Variants in DSN1 observed in about 807,000 individuals in gnomAD.
The protein encoded by DSN1 is kinetochore-associated protein DSN1 homolog.
DSN1 carries 31 observed loss-of-function variants against 45.7 expected under a neutral mutation model. That is an observed-to-expected ratio of 0.68 (90% CI 0.51 to 0.92). The LOEUF is 0.92. DSN1 is among the 40% of genes least tolerant of loss of function. The pLI is 0.00. For missense variants in DSN1, 394 were observed against 414.2 expected, an observed-to-expected ratio of 0.95 and a Z score of 0.42; for synonymous variants, 134 against 142.3, an observed-to-expected ratio of 0.94 and a Z score of 0.41.
At chr20:36,769,902 T>TACACACACAC (rs66970744) in intron 3 of DSN1, among the ~76,000 whole-genome samples, 156 of 117,314 alleles carry the variant, frequency 1.3e-3, no homozygotes, top group African/African-American at 5.3e-3. Context: ...TCACTGTAGA[T>TACACACACAC]ACACACACAC....
At chr20:36,767,003 A>G (rs547715069) in intron 4 of DSN1, among the ~76,000 whole-genome samples, 162 bp from the exon 5 acceptor site, 5 of 146,022 alleles carry the variant, frequency 3.4e-5, no homozygotes, top group African/African-American at 1.2e-4. Context: ...TAGATAAGGG[A>G]AAAAAAAAAA....
At chr20:36,754,232 G>A (rs1221702889) in intron 10 of DSN1, among the ~76,000 whole-genome samples, 1 of 152,112 alleles carries the variant, frequency 6.6e-6, no homozygotes, top group Non-Finnish European at 1.5e-5. Flanking sequence ...TACTCTGGGA[G>A]CCTGAGGTGA....
rs761761654 is a variant in DSN1 at position 36,758,147 on chromosome 20, C to T, written c.665G>A (p.Arg222His). The change falls in exon 8 of 11, where the codon CGT becomes CAT. Residue 222 changes from arginine (R) to histidine (H), a missense_variant. Arg to His is a conservative substitution (Grantham distance 29). Coordinates refer to ENST00000373750, the MANE Select transcript of DSN1 (RefSeq NM_001145315.2). ...KEYITKFSLERQTWDQLLLHY... is the reference protein window; with the variant it reads ...KEYITKFSLEHQTWDQLLLHY... Reference sequence around the variant, plus strand: ...AAGCAAGAGCTGATCCCAAGTCTGACGTTCTAAAGAAAACCTGTAAGAATC... The same window carrying T: ...AAGCAAGAGCTGATCCCAAGTCTGATGTTCTAAAGAAAACCTGTAAGAATC... The T allele has an allele frequency of 6.8e-6, 11 of 1,613,788 alleles. No homozygotes were observed. The highest frequency in any genetic ancestry group is 2.2e-5 in the East Asian group (1 of 44,884).
intron 8 of DSN1, 103 bp downstream of exon 8, chr20:36,757,984 G>A (rs957662255): frequency 6.3e-6 from 7 of 1,111,144 alleles, no homozygotes; most frequent in South Asian, 2.7e-5. Flanking sequence ...TTATTGGCCC[G>A]TGAGAAAGGA....
At chr20:36,766,109 G>A (rs528119575) in intron 5 of DSN1, among the ~76,000 whole-genome samples, 7 of 147,668 alleles carry the variant, frequency 4.7e-5, no homozygotes, top group African/African-American at 7.6e-5. Context: ...CAGGAGAATC[G>A]CTTGAACCCA....
intron 1 of DSN1, 134 bp downstream of exon 1, chr20:36,773,528 G>A (rs1004785623): frequency 9.1e-6 from 9 of 985,916 alleles, no homozygotes; most frequent in Middle Eastern, 5.2e-4. Context: ...GTCCACGGTC[G>A]GGGCCGGGGC....
chr20:36,767,607 A>G (rs1451819823), intron 4 of DSN1, among the ~76,000 whole-genome samples: 1 of 152,084 alleles, frequency 6.6e-6, no homozygotes, highest in Admixed American at 6.6e-5. Context: ...CTCAACTAAA[A>G]TGCAAAAAAT....
rs148628979 is a variant in DSN1 at position 36,763,885 on chromosome 20, CAAAAAAAAAAA to C, written c.503-1348_503-1338del. Among the ~76,000 whole-genome samples, 33 of 37,462 alleles carry C rather than the reference CAAAAAAAAAAA, an allele frequency of 8.8e-4. 1 individual carries two copies. The highest frequency in any genetic ancestry group is 5.9e-3 in the South Asian group (3 of 508). The allele number at this position is 37,462 out of a possible 152,430, so 24.6% of individuals were successfully genotyped here. A position where few individuals can be genotyped will look rare whatever the true frequency, so the allele number is the denominator to read the frequency against. On this transcript the variant is annotated intron_variant, in intron 5 of 10. Coordinates refer to ENST00000373750, the MANE Select transcript of DSN1 (RefSeq NM_001145315.2). ...CTGGCAACAGAGCAAAACTCTGTCT[CAAAAAAAAAAA>C]AAAAAAAAAAAAAAAGAAAGACAGA...
At chr20:36,766,666 G>A (rs915015512) in intron 5 of DSN1, 103 bp downstream of exon 5, 5 of 997,728 alleles carry the variant, frequency 5.0e-6, no homozygotes, top group East Asian at 5.0e-5. Context: ...AACAAAAGGT[G>A]GGGGAGCTAG....
intron 6 of DSN1, among the ~76,000 whole-genome samples, chr20:36,762,225 G>T (rs1199648393): frequency 6.8e-6 from 1 of 147,718 alleles, no homozygotes; most frequent in Non-Finnish European, 1.5e-5. Context: ...TCCTGCCTCA[G>T]CCTCCCGAGT....
chr20:36,773,250 A>C, intron 1 of DSN1: 1 of 471,156 alleles, frequency 2.1e-6, no homozygotes, highest in Non-Finnish European at 2.8e-6. Flanking sequence ...AATCCCTTCC[A>C]CAACTCCGTA....
At chr20:36,753,323 G>A (rs1986476359) in intron 10 of DSN1, among the ~76,000 whole-genome samples, 1 of 145,656 alleles carries the variant, frequency 6.9e-6, no homozygotes, top group South Asian at 2.2e-4. Flanking sequence ...CTGGGCAACA[G>A]AGCAAGACCC....
chr20:36,757,461 C>G (rs1330043353), intron 8 of DSN1, among the ~76,000 whole-genome samples: 2 of 152,152 alleles, frequency 1.3e-5, no homozygotes, highest in Non-Finnish European at 2.9e-5. Flanking sequence ...CACCTGTAGT[C>G]CCAGCTACTC....
At chr20:36,761,920 A>T (rs921512150) in intron 6 of DSN1, among the ~76,000 whole-genome samples, 6 of 151,480 alleles carry the variant, frequency 4.0e-5, no homozygotes, top group Non-Finnish European at 8.8e-5. Flanking sequence ...GAGGCAGGAG[A>T]CTGGTTTGAA....
chr20:36,761,033 T>C (rs1008186027), intron 6 of DSN1, among the ~76,000 whole-genome samples: 25 of 152,272 alleles, frequency 1.6e-4, no homozygotes, highest in African/African-American at 5.5e-4. Context: ...TGTTGCTGGG[T>C]GGAAATTAGG....
intron 1 of DSN1, among the ~76,000 whole-genome samples, chr20:36,772,909 AG>A (rs1344409356): frequency 1.3e-5 from 2 of 152,242 alleles, no homozygotes; most frequent in East Asian, 3.8e-4. Flanking sequence ...AGTGACTGTC[AG>A]GAACAACTGC....
intron 3 of DSN1, 110 bp downstream of exon 3, chr20:36,770,763 C>G: frequency 8.2e-7 from 1 of 1,225,354 alleles, no homozygotes; most frequent in Non-Finnish European, 1.1e-6. Flanking sequence ...AGTAGCAAGT[C>G]ATGTCTATTC....
chr20:36,767,049 T>C (rs1391338877), intron 4 of DSN1, among the ~76,000 whole-genome samples: 1 of 151,580 alleles, frequency 6.6e-6, no homozygotes, highest in Non-Finnish European at 1.5e-5. Context: ...CTTACGTCTG[T>C]AATCCCAGCA....
chr20:36,767,200 G>A (rs1053500028), intron 4 of DSN1, among the ~76,000 whole-genome samples: 3 of 151,934 alleles, frequency 2.0e-5, no homozygotes, highest in Admixed American at 2.0e-4. Flanking sequence ...CCAGCTACTC[G>A]GGAGGCTGAG....
Sources: gnomAD v4.1 joint callset for allele counts (sites outside exome capture counted in the v4.1 genomes callset) on GRCh38, gnomAD v4.1.1 for gene constraint, MANE v1.5 for transcripts, NCBI Gene and HGNC (gene_info 2026-07-23, HGNC 2026-07-21) for gene names.